SLC9A9: variants seen among roughly 807,000 people sequenced by gnomAD.
The protein encoded by SLC9A9 is sodium/hydrogen exchanger 9.
SLC9A9 carries 62 observed loss-of-function variants against 77.8 expected under a neutral mutation model. The ratio of observed to expected loss-of-function variants is 0.80; its 90% confidence interval spans 0.65 to 0.98. SLC9A9 has a LOEUF of 0.98. Ranked by LOEUF, SLC9A9 falls within the 50% of genes least tolerant of loss-of-function variation. SLC9A9 has a pLI of 0.00. For missense variants in SLC9A9, 775 were observed against 774.9 expected, an observed-to-expected ratio of 1.00 and a Z score of 0.00; for synonymous variants, 320 against 283.5, an observed-to-expected ratio of 1.13 and a Z score of -1.29.
At chr3:143,516,255 A>G (rs1390442293) in intron 9 of SLC9A9, among the ~76,000 whole-genome samples, 2 of 141,408 alleles carry the variant, frequency 1.4e-5, no homozygotes, top group Non-Finnish European at 1.6e-5. Flanking sequence ...TCTCTGACTT[A>G]TCAAAATTGT....
chr3:143,771,460 A>C (rs1001334002), intron 4 of SLC9A9, among the ~76,000 whole-genome samples: 1 of 152,170 alleles, frequency 6.6e-6, no homozygotes, highest in Admixed American at 6.5e-5. Context: ...CCAGATTAAT[A>C]ATATCTTGTT....
At chr3:143,376,275 A>C (rs1225445566) in intron 13 of SLC9A9, among the ~76,000 whole-genome samples, 1 of 152,224 alleles carries the variant, frequency 6.6e-6, no homozygotes, top group African/African-American at 2.4e-5. Context: ...TAACAGGGAA[A>C]GGATTACTCA....
At chr3:143,316,958 A>G (rs2031235663) in intron 14 of SLC9A9, among the ~76,000 whole-genome samples, 1 of 152,124 alleles carries the variant, frequency 6.6e-6, no homozygotes. Context: ...TGGGTGCAGG[A>G]GTCAATCTCA....
chr3:143,667,530 C>T (rs1176119842), intron 5 of SLC9A9, among the ~76,000 whole-genome samples: 1 of 152,194 alleles, frequency 6.6e-6, no homozygotes, highest in East Asian at 1.9e-4. Flanking sequence ...AAACTACCAT[C>T]AGAGTGAGCA....
intron 4 of SLC9A9, among the ~76,000 whole-genome samples, chr3:143,756,296 G>A (rs1310115484): frequency 1.3e-5 from 2 of 152,160 alleles, no homozygotes; most frequent in African/African-American, 4.8e-5. Context: ...TAGTAACTAG[G>A]CTTTATAAAT....
At chr3:143,409,508 C>T (rs1001678489) in intron 12 of SLC9A9, among the ~76,000 whole-genome samples, 6 of 152,162 alleles carry the variant, frequency 3.9e-5, no homozygotes, top group Admixed American at 1.3e-4. Context: ...CATTTCATTC[C>T]GCTTAAACCT....
intron 2 of SLC9A9, among the ~76,000 whole-genome samples, chr3:143,820,197 T>C (rs548431817): frequency 3.0e-4 from 46 of 152,350 alleles, no homozygotes; most frequent in Admixed American, 1.4e-3. Flanking sequence ...TAAGTGGCAT[T>C]TGATCCAAGT....
chr3:143,603,080 C>A (rs1286910659), intron 6 of SLC9A9, among the ~76,000 whole-genome samples: 2 of 152,228 alleles, frequency 1.3e-5, no homozygotes, highest in Non-Finnish European at 2.9e-5. Flanking sequence ...CAAACTAGGC[C>A]TGCACCTTTT....
At chr3:143,612,178 CACAG>C (rs1482895821) in intron 6 of SLC9A9, among the ~76,000 whole-genome samples, 1 of 152,220 alleles carries the variant, frequency 6.6e-6, no homozygotes, top group Non-Finnish European at 1.5e-5. Flanking sequence ...TATTCACCTG[CACAG>C]ACAGTGATTG....
chr3:143,280,538 C>T (rs1294672403), intron 14 of SLC9A9, among the ~76,000 whole-genome samples: 2 of 147,770 alleles, frequency 1.4e-5, no homozygotes, highest in Admixed American at 6.7e-5. Flanking sequence ...CTACCTAGAA[C>T]TACATTTTTT....
chr3:143,688,386 A>G (rs1312511265), intron 5 of SLC9A9, among the ~76,000 whole-genome samples: 1 of 152,162 alleles, frequency 6.6e-6, no homozygotes, highest in Admixed American at 6.6e-5. Flanking sequence ...ACTCAGTAGA[A>G]GGCAACAAAC....
At chr3:143,420,008 A>AT (rs2034268526) in intron 12 of SLC9A9, among the ~76,000 whole-genome samples, 1 of 152,168 alleles carries the variant, frequency 6.6e-6, no homozygotes, top group Admixed American at 6.5e-5. Flanking sequence ...ACTTTTAGCA[A>AT]TTTTGTCTCT....
intron 6 of SLC9A9, among the ~76,000 whole-genome samples, chr3:143,605,824 AAGATGGTTCC>A (rs1463802034): frequency 1.3e-5 from 2 of 152,232 alleles, no homozygotes; most frequent in African/African-American, 4.8e-5. Flanking sequence ...AAGCCATTAA[AAGATGGTTCC>A]AGATACAAGT....
At chr3:143,305,858 T>C (rs2030757172) in intron 14 of SLC9A9, among the ~76,000 whole-genome samples, 1 of 152,212 alleles carries the variant, frequency 6.6e-6, no homozygotes, top group African/African-American at 2.4e-5. Flanking sequence ...CTCAGCTTCT[T>C]TCCTGGCTTG....
intron 7 of SLC9A9, among the ~76,000 whole-genome samples, chr3:143,578,217 T>G (rs2037394333): frequency 1.3e-5 from 2 of 152,154 alleles, no homozygotes; most frequent in Non-Finnish European, 2.9e-5. Flanking sequence ...CTTAATCAAT[T>G]GTCTTATTCT....
At chr3:143,747,210 C>G (rs1935214979) in intron 4 of SLC9A9, among the ~76,000 whole-genome samples, 1 of 151,994 alleles carries the variant, frequency 6.6e-6, no homozygotes, top group Admixed American at 6.6e-5. Flanking sequence ...TTGAGACCAG[C>G]CTGGCCAACA....
At chr3:143,725,398 A>C (rs1417439415) in intron 4 of SLC9A9, among the ~76,000 whole-genome samples, 2 of 152,068 alleles carry the variant, frequency 1.3e-5, no homozygotes, top group Non-Finnish European at 2.9e-5. Context: ...ATATACCCAA[A>C]GGACTATAAA....
chr3:143,819,211 G>A (rs1317114359), intron 2 of SLC9A9, among the ~76,000 whole-genome samples: 1 of 152,212 alleles, frequency 6.6e-6, no homozygotes, highest in Non-Finnish European at 1.5e-5. Flanking sequence ...GAGAATTTGT[G>A]AGACTAGAAT....
At chr3:143,687,432 CAG>C (rs1452418545) in intron 5 of SLC9A9, among the ~76,000 whole-genome samples, 2 of 152,054 alleles carry the variant, frequency 1.3e-5, no homozygotes, top group East Asian at 3.9e-4. Flanking sequence ...ACCAATTTAG[CAG>C]AGAGTGGGTT....
Sources: allele counts gnomAD v4.1 joint callset (sites outside exome capture counted in the v4.1 genomes callset), GRCh38; gene constraint gnomAD v4.1.1; transcripts MANE v1.5; gene names NCBI Gene and HGNC (gene_info 2026-07-23, HGNC 2026-07-21).